The following SCFD2 variants were observed in gnomAD, a reference collection of about 807,000 sequenced individuals.
SCFD2 encodes sec1 family domain containing 2.
SCFD2 carries 54 observed loss-of-function variants against 58.9 expected under a neutral mutation model. The observed-to-expected ratio is 0.92, with a 90% CI of 0.74 to 1.15. SCFD2 has a LOEUF of 1.15. Among genes scored for constraint, SCFD2 ranks in the 50% most tolerant of loss-of-function variants. The probability of loss-of-function intolerance (pLI) is 0.00; values close to 1 mark genes in which losing one functional copy is unlikely to be tolerated. For missense variants in SCFD2, 805 were observed against 836.6 expected (o/e 0.96, Z 0.47); for synonymous variants, 321 against 335.9 (o/e 0.96, Z 0.49).
chr4:52,956,922 A>T, intron 5 of SCFD2: 1 of 152,558 alleles, frequency 6.6e-6, no homozygotes, highest in Non-Finnish European at 1.5e-5. Flanking sequence ...AACAGGGATG[A>T]GACAGCAGGG....
intron 4 of SCFD2, among the ~76,000 whole-genome samples, chr4:53,160,341 A>G (rs893827182): frequency 1.3e-5 from 2 of 152,200 alleles, no homozygotes; most frequent in Non-Finnish European, 2.9e-5. Flanking sequence ...GGAGACAGGA[A>G]GCAATTTCAA....
At chr4:53,253,253 G>A (rs1303280442) in intron 4 of SCFD2, among the ~76,000 whole-genome samples, 3 of 152,178 alleles carry the variant, frequency 2.0e-5, no homozygotes, top group Non-Finnish European at 4.4e-5. Flanking sequence ...GTGCTGGAGA[G>A]GATGTGGAGA....
At chr4:52,899,337 C>A (rs1719117333) in intron 7 of SCFD2, among the ~76,000 whole-genome samples, 1 of 152,152 alleles carries the variant, frequency 6.6e-6, no homozygotes, top group African/African-American at 2.4e-5. Context: ...TCTTTTAGGG[C>A]AGGCCTGGTG....
chr4:52,965,123 G>A (rs1483423240), intron 5 of SCFD2, among the ~76,000 whole-genome samples: 1 of 152,104 alleles, frequency 6.6e-6, no homozygotes, highest in Non-Finnish European at 1.5e-5. Context: ...CATGATAGGT[G>A]GAGGCCAGGC....
At chr4:53,218,664 G>A (rs543257140) in intron 4 of SCFD2, among the ~76,000 whole-genome samples, 2 of 152,338 alleles carry the variant, frequency 1.3e-5, no homozygotes, top group African/African-American at 4.8e-5. Flanking sequence ...TCTCCGTCCA[G>A]CTTTCTTCCG....
At chr4:52,893,774 T>A (rs1718936199) in intron 7 of SCFD2, among the ~76,000 whole-genome samples, 1 of 152,202 alleles carries the variant, frequency 6.6e-6, no homozygotes, top group African/African-American at 2.4e-5. Flanking sequence ...TTATACTATT[T>A]ATTGAGCATC....
chr4:53,117,522 A>AAAAACAC (rs1725359183), intron 5 of SCFD2, among the ~76,000 whole-genome samples: 1 of 152,126 alleles, frequency 6.6e-6, no homozygotes, highest in African/African-American at 2.4e-5. Flanking sequence ...ACAAAAAACA[A>AAAAACAC]AAAACACATA....
intron 3 of SCFD2, among the ~76,000 whole-genome samples, chr4:53,284,934 G>A (rs1731619020): frequency 6.6e-6 from 1 of 152,176 alleles, no homozygotes; most frequent in South Asian, 2.1e-4. Context: ...CCTTTAAGTA[G>A]TATAGGTTTC....
At chr4:52,900,424 T>C (rs548933353) in intron 7 of SCFD2, among the ~76,000 whole-genome samples, 1 of 152,286 alleles carries the variant, frequency 6.6e-6, no homozygotes, top group East Asian at 1.9e-4. Flanking sequence ...ACTGTTTGCC[T>C]GGGTATGAGC....
intron 2 of SCFD2, among the ~76,000 whole-genome samples, chr4:53,336,520 A>ATGAT (rs2149139850): frequency 6.6e-6 from 1 of 150,886 alleles, no homozygotes; most frequent in South Asian, 2.1e-4. Context: ...TTCTTCCTTT[A>ATGAT]TTATTTATTT....
intron 4 of SCFD2, among the ~76,000 whole-genome samples, chr4:53,273,224 CT>C (rs1371690518): frequency 6.6e-6 from 1 of 152,016 alleles, no homozygotes; most frequent in Non-Finnish European, 1.5e-5. Flanking sequence ...ATCCTCTGTC[CT>C]TTTTAAAGTA....
rs568016998 is a variant in SCFD2 at position 53,132,397 on chromosome 4, A to G, written c.1561+12936T>C. Among the ~76,000 whole-genome samples the G allele has an allele frequency of 3.9e-5, 6 of 152,360 alleles. 1 individual carries two copies. The East Asian group carries it at 7.7e-4, about 20-fold the overall frequency. On this transcript the variant is annotated intron_variant, in intron 5 of 8. Transcript: ENST00000401642. ...GAAATCAAGAGAAAAAATAGACCCTATTATACCAAACAACGTTGCAAACCA... is the reference window on the plus strand; with the variant it reads ...GAAATCAAGAGAAAAAATAGACCCTGTTATACCAAACAACGTTGCAAACCA...
chr4:53,214,100 G>C (rs959393594), intron 4 of SCFD2, among the ~76,000 whole-genome samples: 1 of 152,042 alleles, frequency 6.6e-6, no homozygotes, highest in African/African-American at 2.4e-5. Flanking sequence ...ATTGTAAATA[G>C]TGCCACAGTA....
rs1190107634 is a variant in SCFD2, at chr4:53,211,533, C to T, written c.1311+62293G>A. Among the ~76,000 whole-genome samples, 11 of 152,200 alleles carry T rather than the reference C, an allele frequency of 7.2e-5. No homozygotes were observed. The South Asian group carries it at 2.1e-3, about 29-fold the overall frequency. On this transcript the variant is annotated intron_variant, in intron 4 of 8. Coordinates refer to ENST00000401642, the MANE Select transcript of SCFD2 (RefSeq NM_152540.4). ...GCTGGTCAGTTAGAAGTTCTGCAGG[C>T]CAAGACTTGAGACTGATGTGTTTGG...
intron 4 of SCFD2, among the ~76,000 whole-genome samples, chr4:53,243,265 A>G (rs1191460184): frequency 6.6e-6 from 1 of 152,202 alleles, no homozygotes; most frequent in Non-Finnish European, 1.5e-5. Flanking sequence ...AGCCCATCAT[A>G]CTAACAGCAG....
chr4:52,885,168 A>G (rs188119284), intron 8 of SCFD2, among the ~76,000 whole-genome samples: 39 of 152,308 alleles, frequency 2.6e-4, no homozygotes, highest in African/African-American at 8.9e-4. Flanking sequence ...TTGTCTGGAC[A>G]GTGATCCTTC....
At chr4:52,942,796 A>G (rs1027965128) in intron 5 of SCFD2, among the ~76,000 whole-genome samples, 1 of 152,206 alleles carries the variant, frequency 6.6e-6, no homozygotes, top group Non-Finnish European at 1.5e-5. Context: ...ATAACTCAAA[A>G]CAAGTGGGCT....
chr4:53,315,076 T>C (rs1350554693), intron 2 of SCFD2, among the ~76,000 whole-genome samples: 3 of 151,940 alleles, frequency 2.0e-5, no homozygotes, highest in Admixed American at 6.6e-5. Context: ...AGTGTGGTAA[T>C]AAAAGCCATG....
chr4:53,201,931 T>G (rs979227894), intron 4 of SCFD2, among the ~76,000 whole-genome samples: 6 of 152,218 alleles, frequency 3.9e-5, no homozygotes, highest in African/African-American at 1.4e-4. Context: ...ATTAGCCCTT[T>G]GTCAGATGAG....
Sources: allele counts gnomAD v4.1 joint callset (sites outside exome capture counted in the v4.1 genomes callset), GRCh38; gene constraint gnomAD v4.1.1; transcripts MANE v1.5; gene names NCBI Gene and HGNC (gene_info 2026-07-23, HGNC 2026-07-21).